The following RBM20 variants were observed in gnomAD, a reference collection of about 807,000 sequenced individuals.
RBM20 encodes the protein RNA-binding protein 20.
RBM20 carries 51 observed loss-of-function variants against 110.1 expected under a neutral mutation model. That is an observed-to-expected ratio of 0.46 (90% CI 0.37 to 0.59). The LOEUF (loss-of-function observed/expected upper bound fraction) is 0.59. RBM20 is among the 20% of genes least tolerant of loss of function. RBM20 has a pLI of 0.00. For missense variants in RBM20, 1,512 were observed against 1,574.9 expected, an observed-to-expected ratio of 0.96 and a Z score of 0.68; for synonymous variants, 589 against 618.2, an observed-to-expected ratio of 0.95 and a Z score of 0.70.
At chr10:110,832,598 C>T (rs1278542330) in intron 13 of RBM20, among the ~76,000 whole-genome samples, 1 of 152,026 alleles carries the variant, frequency 6.6e-6, no homozygotes, top group Non-Finnish European at 1.5e-5. Flanking sequence ...AAAATTGAGA[C>T]CCAGAGAAGC....
intron 7 of RBM20, among the ~76,000 whole-genome samples, chr10:110,803,624 C>T (rs1018869653): frequency 6.6e-6 from 1 of 152,010 alleles, no homozygotes; most frequent in Admixed American, 6.6e-5. Context: ...CTTTTCTGCT[C>T]CCCAAGCTGC....
intron 1 of RBM20, among the ~76,000 whole-genome samples, chr10:110,710,492 C>G (rs1185949983): frequency 7.2e-6 from 1 of 139,244 alleles, no homozygotes; most frequent in Non-Finnish European, 1.6e-5. Context: ...TTGGGGCTGC[C>G]CCACTGGGCC....
intron 1 of RBM20, among the ~76,000 whole-genome samples, chr10:110,662,902 C>A (rs191706214): frequency 2.0e-5 from 3 of 152,276 alleles, no homozygotes; most frequent in Admixed American, 2.0e-4. Flanking sequence ...TCCCTCAAAT[C>A]TGGCCCCTCT....
intron 5 of RBM20, among the ~76,000 whole-genome samples, chr10:110,787,241 A>C (rs1844429894): frequency 6.6e-6 from 1 of 152,204 alleles, no homozygotes; most frequent in African/African-American, 2.4e-5. Flanking sequence ...CATCCCATGC[A>C]GCTCTGCAGC....
chr10:110,814,237 G>A (rs906396965), intron 9 of RBM20, among the ~76,000 whole-genome samples: 2 of 152,196 alleles, frequency 1.3e-5, no homozygotes, highest in African/African-American at 4.8e-5. Flanking sequence ...ACTTTGCCAG[G>A]TGATGTGCTA....
intron 1 of RBM20, among the ~76,000 whole-genome samples, chr10:110,719,453 G>A (rs371870658): frequency 6.6e-6 from 1 of 152,078 alleles, no homozygotes; most frequent in East Asian, 1.9e-4. Flanking sequence ...ATTCCTAACA[G>A]GTCTCACTGC....
chr10:110,732,134 T>C (rs1843625936), intron 1 of RBM20, among the ~76,000 whole-genome samples: 1 of 152,184 alleles, frequency 6.6e-6, no homozygotes, highest in Non-Finnish European at 1.5e-5. Flanking sequence ...TTTTGCCTTT[T>C]CTCGAGAGTA....
At chr10:110,748,241 G>T (rs1162584721) in intron 1 of RBM20, among the ~76,000 whole-genome samples, 1 of 152,184 alleles carries the variant, frequency 6.6e-6, no homozygotes, top group Non-Finnish European at 1.5e-5. Flanking sequence ...CCAAAAGAAT[G>T]TGGGAACATT....
intron 1 of RBM20, among the ~76,000 whole-genome samples, chr10:110,772,527 A>G (rs1041206521): frequency 6.6e-6 from 1 of 152,222 alleles, no homozygotes; most frequent in Non-Finnish European, 1.5e-5. Context: ...ATATGCACAA[A>G]TACTCACCAT....
chr10:110,665,097 A>G (rs2134830209), intron 1 of RBM20, among the ~76,000 whole-genome samples: 1 of 152,084 alleles, frequency 6.6e-6, no homozygotes, highest in Middle Eastern at 3.4e-3. Flanking sequence ...AGCTTGTCTC[A>G]AGCTCCTGGC....
chr10:110,696,709 G>C (rs142630144), intron 1 of RBM20, among the ~76,000 whole-genome samples: 7 of 152,308 alleles, frequency 4.6e-5, no homozygotes, highest in Non-Finnish European at 8.8e-5. Flanking sequence ...AGTGGCAGCA[G>C]GGTAAAGAGA....
At chr10:110,665,312 G>T (rs1388295406) in intron 1 of RBM20, among the ~76,000 whole-genome samples, 1 of 152,134 alleles carries the variant, frequency 6.6e-6, no homozygotes, top group African/African-American at 2.4e-5. Flanking sequence ...AGCTGATGGC[G>T]TTCTTTATAA....
intron 1 of RBM20, among the ~76,000 whole-genome samples, chr10:110,738,182 G>C (rs567014611): frequency 6.6e-6 from 1 of 152,278 alleles, no homozygotes; most frequent in Admixed American, 6.5e-5. Flanking sequence ...ACAGCTTACT[G>C]TTAGGTTTTT....
chr10:110,715,851 C>T (rs140142568), intron 1 of RBM20, among the ~76,000 whole-genome samples: 14 of 152,268 alleles, frequency 9.2e-5, no homozygotes, highest in East Asian at 5.8e-4. Flanking sequence ...GATAGCATCA[C>T]GTCTACTCAC....
intron 13 of RBM20, 112 bp downstream of exon 13, chr10:110,831,294 C>A: frequency 8.7e-7 from 1 of 1,151,950 alleles, no homozygotes; most frequent in Non-Finnish European, 1.2e-6. Flanking sequence ...CTCCTACCTG[C>A]AAGGCCTACT....
At chr10:110,791,550 GAA>G (rs1844483968) in intron 5 of RBM20, among the ~76,000 whole-genome samples, 1 of 152,214 alleles carries the variant, frequency 6.6e-6, no homozygotes, top group African/African-American at 2.4e-5. Context: ...AAGGGGCAAT[GAA>G]AGGTCTTAGA....
At chr10:110,755,756 G>T (rs1439938409) in intron 1 of RBM20, among the ~76,000 whole-genome samples, 1 of 152,222 alleles carries the variant, frequency 6.6e-6, no homozygotes, top group Admixed American at 6.5e-5. Context: ...GAATGGAAAA[G>T]CCCATCTTGT....
intron 9 of RBM20, among the ~76,000 whole-genome samples, chr10:110,816,292 CA>C (rs1564662623): frequency 3.3e-5 from 5 of 150,188 alleles, no homozygotes; most frequent in African/African-American, 1.2e-4. Context: ...ACCATCTCAA[CA>C]CCCCACCCAA....
chr10:110,769,849 G>A (rs1844162109), intron 1 of RBM20, among the ~76,000 whole-genome samples: 1 of 151,846 alleles, frequency 6.6e-6, no homozygotes, highest in Non-Finnish European at 1.5e-5. Flanking sequence ...CTCCCAAGTA[G>A]CTGAGATTAC....
Sources: allele counts gnomAD v4.1 joint callset (sites outside exome capture counted in the v4.1 genomes callset), GRCh38; gene constraint gnomAD v4.1.1; transcripts MANE v1.5; gene names NCBI Gene and HGNC (gene_info 2026-07-23, HGNC 2026-07-21).